Variants in PHF20 observed in about 807,000 individuals in gnomAD.
The protein encoded by PHF20 is PHD finger protein 20, also known as glioma-expressed antigen 2.
PHF20 carries 23 observed loss-of-function variants against 113.5 expected under a neutral mutation model. The ratio of observed to expected loss-of-function variants is 0.20; its 90% CI spans 0.15 to 0.29. The LOEUF is 0.29. Among genes scored for constraint, PHF20 ranks in the 10% least tolerant of loss-of-function variants. PHF20 has a pLI of 1.00. For synonymous variants in PHF20, 434 were observed against 457.3 expected, an observed-to-expected ratio of 0.95 and a Z score of 0.65; for missense variants, 943 against 1,219.6, an observed-to-expected ratio of 0.77 and a Z score of 3.38.
intron 10 of PHF20, among the ~76,000 whole-genome samples, chr20:35,906,806 A>G (rs2055208689): frequency 6.6e-6 from 1 of 152,164 alleles, no homozygotes; most frequent in South Asian, 2.1e-4. Context: ...AAGTGGAGAA[A>G]TAGTGTTGGG....
intron 2 of PHF20, among the ~76,000 whole-genome samples, chr20:35,819,676 G>T (rs904093720): frequency 2.7e-5 from 4 of 150,566 alleles, no homozygotes; most frequent in Admixed American, 1.3e-4. Context: ...GTGTGTGTGT[G>T]TTTTTAAGCA....
At chr20:35,906,893 CCTGGGTTGGTAT>C (rs1032113722) in intron 10 of PHF20, among the ~76,000 whole-genome samples, 7 of 152,152 alleles carry the variant, frequency 4.6e-5, no homozygotes, top group African/African-American at 1.4e-4. Flanking sequence ...GGAGGGCCAT[CCTGGGTTGGTAT>C]CTGGGTGGGA....
chr20:35,777,056 T>C (rs929616789), intron 1 of PHF20, among the ~76,000 whole-genome samples: 3 of 152,216 alleles, frequency 2.0e-5, no homozygotes, highest in African/African-American at 7.2e-5. Flanking sequence ...CAACCCAACT[T>C]CAGCGTTCTT....
Position 35,938,746 on chromosome 20 carries a change from C to A in PHF20, c.2350C>A (p.His784Asn). Residue 784 changes from histidine to asparagine, a missense_variant, in exon 16 of 18, where the codon CAC becomes AAC. Transcript: ENST00000374012. The part of the protein sequence containing the change: ...LPLWCQPWKQ[H>N]SGEGRSHFRN... ...GCTGTGGTGCCAGCCTTGGAAACAG[C>A]ACTCAGGGGAGGGGAGATCTCATTT... is the stretch of plus-strand genomic sequence containing the variant. The A allele has an allele frequency of 6.2e-7, 1 of 1,613,784 alleles. No individual in the cohort carries two copies. Among genetic ancestry groups the A allele is most frequent in the Non-Finnish European group, 8.5e-7 (1 of 1,179,818 alleles).
chr20:35,854,032 G>A (rs1479374898), intron 4 of PHF20, among the ~76,000 whole-genome samples: 1 of 152,140 alleles, frequency 6.6e-6, no homozygotes, highest in African/African-American at 2.4e-5. Flanking sequence ...GGGATTACAG[G>A]CGTGAGCCAC....
chr20:35,806,668 A>G (rs1015016566), intron 2 of PHF20, among the ~76,000 whole-genome samples: 1 of 151,898 alleles, frequency 6.6e-6, no homozygotes, highest in Non-Finnish European at 1.5e-5. Flanking sequence ...AGTCTATTCC[A>G]TTGATTTATG....
intron 1 of PHF20, among the ~76,000 whole-genome samples, chr20:35,796,917 T>G (rs2041677393): frequency 6.6e-6 from 1 of 152,204 alleles, no homozygotes; most frequent in African/African-American, 2.4e-5. Flanking sequence ...ATGGTAACAT[T>G]ACATTAGTCC....
intron 9 of PHF20, among the ~76,000 whole-genome samples, chr20:35,889,733 T>A (rs184844225): frequency 1.7e-4 from 25 of 146,724 alleles, no homozygotes; most frequent in African/African-American, 6.4e-4. Context: ...TTAATTATTT[T>A]AAAATTATTT....
chr20:35,936,183 G>T (rs1347884851), intron 15 of PHF20, among the ~76,000 whole-genome samples: 1 of 152,156 alleles, frequency 6.6e-6, no homozygotes, highest in African/African-American at 2.4e-5. Flanking sequence ...ATGTTAACAG[G>T]TAGTGGACCT....
intron 17 of PHF20, 24 bp downstream of exon 17, chr20:35,941,071 T>G: frequency 1.2e-6 from 2 of 1,601,260 alleles, no homozygotes; most frequent in Non-Finnish European, 1.7e-6. Context: ...ATTGGCCCCC[T>G]GTGCATTGGC....
At chr20:35,915,447 C>A (rs543346683) in intron 12 of PHF20, among the ~76,000 whole-genome samples, 1 of 151,778 alleles carries the variant, frequency 6.6e-6, no homozygotes, top group Non-Finnish European at 1.5e-5. Flanking sequence ...AGTGCAGTGG[C>A]GCGATCTTGG....
At chr20:35,838,871 G>T (rs1001465271) in intron 2 of PHF20, among the ~76,000 whole-genome samples, 2 of 151,684 alleles carry the variant, frequency 1.3e-5, no homozygotes, top group Admixed American at 6.6e-5. Context: ...GTATGAGCCT[G>T]TAGTCCCAGC....
intron 9 of PHF20, among the ~76,000 whole-genome samples, chr20:35,874,247 A>G (rs2146996855): frequency 1.3e-5 from 2 of 152,368 alleles, no homozygotes; most frequent in Middle Eastern, 6.8e-3. Flanking sequence ...AAGTACTGTG[A>G]TTATAGGCGT....
At chr20:35,821,947 G>A (rs1159609011) in intron 2 of PHF20, among the ~76,000 whole-genome samples, 2 of 152,138 alleles carry the variant, frequency 1.3e-5, no homozygotes, top group East Asian at 1.9e-4. Flanking sequence ...GCTGAAATGG[G>A]GTAGACTTCA....
intron 9 of PHF20, among the ~76,000 whole-genome samples, chr20:35,883,916 T>TAAGA (rs2054679035): frequency 6.6e-6 from 1 of 152,104 alleles, no homozygotes; most frequent in East Asian, 1.9e-4. Context: ...ACACTCAGAG[T>TAAGA]AAGAGGCTTA....
intron 9 of PHF20, among the ~76,000 whole-genome samples, chr20:35,876,767 T>TA (rs1488371652): frequency 6.7e-6 from 1 of 149,976 alleles, no homozygotes; most frequent in Non-Finnish European, 1.5e-5. Flanking sequence ...CGTCAGGAGT[T>TA]AGAGACCAGC....
At chr20:35,933,866 C>A (rs2055813131) in intron 15 of PHF20, among the ~76,000 whole-genome samples, 1 of 152,206 alleles carries the variant, frequency 6.6e-6, no homozygotes, top group Non-Finnish European at 1.5e-5. Context: ...CCCTACTTTA[C>A]CAAATACAGC....
rs114168781 is a variant in PHF20 at position 35,796,676 on chromosome 20, G to C, written c.-32-4815G>C. Among the ~76,000 whole-genome samples the C allele has an allele frequency of 8.8e-3, 1,342 of 152,224 alleles. 21 individuals carry two copies. Among genetic ancestry groups the C allele is most frequent in the African/African-American group, 0.031 (1,285 of 41,536 alleles). ...CACAACATTTGAAAAGCATCCAGTTGCTTTATCTTCCTGTATTCAAGTTAT... is the reference window on the plus strand; with the variant it reads ...CACAACATTTGAAAAGCATCCAGTTCCTTTATCTTCCTGTATTCAAGTTAT... On this transcript the variant is annotated intron_variant, in intron 1 of 17. Transcript: ENST00000374012.
chr20:35,851,594 T>C (rs1316320168), intron 4 of PHF20, among the ~76,000 whole-genome samples: 2 of 141,132 alleles, frequency 1.4e-5, no homozygotes, highest in African/African-American at 5.1e-5. Context: ...ACCCCGCCCC[T>C]TTTTTTTTGC....
Sources: allele counts gnomAD v4.1 joint callset (sites outside exome capture counted in the v4.1 genomes callset), GRCh38; gene constraint gnomAD v4.1.1; transcripts MANE v1.5; gene names NCBI Gene and HGNC (gene_info 2026-07-23, HGNC 2026-07-21).